Variants in FBXO47 observed in about 807,000 individuals in gnomAD.
FBXO47 encodes F-box protein 47.
A neutral mutation model predicts 53.9 loss-of-function variants in FBXO47; 34 were observed. The observed-to-expected ratio is 0.63, with a 90% CI of 0.48 to 0.84. FBXO47 has a LOEUF of 0.84. Among genes scored for constraint, FBXO47 ranks in the 40% least tolerant of loss-of-function variants. The pLI is 0.00. For missense variants in FBXO47, 485 were observed against 541.3 expected, an observed-to-expected ratio of 0.90 and a Z score of 1.03; for synonymous variants, 165 against 181.6, an observed-to-expected ratio of 0.91 and a Z score of 0.73.
intron 6 of FBXO47, among the ~76,000 whole-genome samples, chr17:38,945,948 A>AAAAAAAAAAAAAATATAT (rs1184511532): frequency 2.6e-5 from 3 of 117,158 alleles, no homozygotes; most frequent in African/African-American, 1.1e-4. Flanking sequence ...AAAAAAAAAA[A>AAAAAAAAAAAAAATATAT]ATATATATAT....
chr17:38,958,668 T>G (rs1047993040), intron 3 of FBXO47, among the ~76,000 whole-genome samples: 8 of 152,142 alleles, frequency 5.3e-5, no homozygotes, highest in Admixed American at 4.6e-4. Context: ...TACCTGAACC[T>G]TATGACTTTT....
intron 3 of FBXO47, among the ~76,000 whole-genome samples, chr17:38,957,862 T>C (rs1905630837): frequency 6.6e-6 from 1 of 151,408 alleles, no homozygotes; most frequent in Non-Finnish European, 1.5e-5. Flanking sequence ...TGATACAGAG[T>C]CTCGTTCTGT....
intron 3 of FBXO47, among the ~76,000 whole-genome samples, chr17:38,957,811 G>A (rs1017589959): frequency 5.3e-5 from 8 of 150,284 alleles, no homozygotes; most frequent in South Asian, 2.1e-4. Flanking sequence ...AGTGATCCTC[G>A]TGTGTGCCAC....
chr17:38,962,519 T>C (rs918878981), intron 2 of FBXO47, among the ~76,000 whole-genome samples: 10 of 151,692 alleles, frequency 6.6e-5, no homozygotes, highest in South Asian at 2.1e-4. Context: ...GGCAGGAGAA[T>C]AGCTTGAACC....
intron 10 of FBXO47, 96 bp downstream of exon 10, chr17:38,938,477 C>G: frequency 4.7e-6 from 3 of 645,086 alleles, no homozygotes; most frequent in Non-Finnish European, 4.5e-6. Context: ...TTTTTTTTTT[C>G]CATTCTTGGA....
Position 38,937,282 on chromosome 17 carries a change from C to T in FBXO47, c.1252G>A (p.Asp418Asn). 1 of 1,560,838 alleles carries T rather than the reference C, an allele frequency of 6.4e-7. No individual in the cohort carries two copies. Among genetic ancestry groups the T allele is most frequent in the Non-Finnish European group, 8.8e-7 (1 of 1,132,726 alleles). The change falls in exon 11 of 11, where the codon GAT becomes AAT. Residue 418 changes from aspartate to asparagine, a missense_variant. Asp to Asn is a conservative substitution (Grantham distance 23). Transcript: ENST00000378079. ...TTCAAAAAGCTTCTGTCATCTTCATCACGGTCTCCTATATGCCATACATAG... is the reference window on the plus strand; with the variant it reads ...TTCAAAAAGCTTCTGTCATCTTCATTACGGTCTCCTATATGCCATACATAG... ...MLQSIMSGDR[D>N]EDDRSFLNLF... is the part of the protein sequence containing the mutation.
At chr17:38,963,293 T>G (rs28384121) in intron 1 of FBXO47, among the ~76,000 whole-genome samples, 3,933 of 152,190 alleles carry the variant, frequency 0.026, 170 homozygotes, top group African/African-American at 0.09. Flanking sequence ...TTCTTCTGCC[T>G]CAGCCTCCTA....
intron 2 of FBXO47, 92 bp downstream of exon 2, chr17:38,962,753 T>C (rs1905875195): frequency 1.2e-6 from 1 of 834,748 alleles, no homozygotes; most frequent in Non-Finnish European, 1.8e-6. Flanking sequence ...CATTAACATT[T>C]TAGCATGGCC....
chr17:38,953,933 G>A (rs1011219073), intron 5 of FBXO47, among the ~76,000 whole-genome samples: 4 of 152,162 alleles, frequency 2.6e-5, no homozygotes, highest in African/African-American at 9.7e-5. Flanking sequence ...TGGCTGGTAG[G>A]CTGAGCACAG....
intron 4 of FBXO47, among the ~76,000 whole-genome samples, chr17:38,955,467 G>A (rs1304807065): frequency 2.7e-5 from 4 of 148,800 alleles, no homozygotes; most frequent in Non-Finnish European, 5.9e-5. Flanking sequence ...TTTTTATGAT[G>A]GAGTCTTGCT....
chr17:38,963,323 A>G (rs1567723659), intron 1 of FBXO47, among the ~76,000 whole-genome samples: 1 of 151,938 alleles, frequency 6.6e-6, no homozygotes. Flanking sequence ...GATTACAGTC[A>G]TGTGCCACCA....
At chr17:38,963,802 G>GTTTTTTTTTTTTTTTTTT (rs377210713) in intron 1 of FBXO47, among the ~76,000 whole-genome samples, 1 of 128,640 alleles carries the variant, frequency 7.8e-6, no homozygotes, top group Non-Finnish European at 1.6e-5. Context: ...TTGTTTTGTT[G>GTTTTTTTTTTTTTTTTTT]TTTTTTTTTT....
chr17:38,955,755 C>T (rs963017684), intron 4 of FBXO47, among the ~76,000 whole-genome samples: 2 of 151,468 alleles, frequency 1.3e-5, no homozygotes, highest in Admixed American at 6.6e-5. Flanking sequence ...GTCAGGAGTT[C>T]GAGATCAGCC....
intron 6 of FBXO47, among the ~76,000 whole-genome samples, chr17:38,946,256 AT>A (rs1480451487): frequency 9.3e-6 from 1 of 107,934 alleles, no homozygotes; most frequent in African/African-American, 3.8e-5. Context: ...AAATATAAAA[AT>A]ATGTATAAAT....
At chr17:38,948,655 T>C (rs1029804608) in intron 6 of FBXO47, among the ~76,000 whole-genome samples, 3 of 152,048 alleles carry the variant, frequency 2.0e-5, no homozygotes, top group Non-Finnish European at 2.9e-5. Flanking sequence ...TTCCTTCAAC[T>C]TTTAAGTTCA....
chr17:38,957,089 T>C, intron 4 of FBXO47, 88 bp downstream of exon 4: 1 of 822,196 alleles, frequency 1.2e-6, no homozygotes, highest in South Asian at 1.7e-5. Flanking sequence ...GAAATTCTAC[T>C]AATATAGAGT....
At chr17:38,958,690 T>A (rs1905675619) in intron 3 of FBXO47, among the ~76,000 whole-genome samples, 1 of 152,148 alleles carries the variant, frequency 6.6e-6, no homozygotes, top group African/African-American at 2.4e-5. Context: ...TCAGCTTTCA[T>A]CTTCTATTTA....
intron 1 of FBXO47, among the ~76,000 whole-genome samples, chr17:38,963,794 GTT>G (rs1252249802): frequency 3.5e-4 from 47 of 135,690 alleles, no homozygotes; most frequent in Middle Eastern, 4.2e-3. Flanking sequence ...TGTTGTTGTT[GTT>G]TTGTTGTTTT....
At chr17:38,962,494 T>C (rs2143967979) in intron 2 of FBXO47, among the ~76,000 whole-genome samples, 1 of 151,914 alleles carries the variant, frequency 6.6e-6, no homozygotes, top group Middle Eastern at 3.4e-3. Flanking sequence ...GCATGCCAGC[T>C]ACTCGGGAGG....
Sources: allele counts gnomAD v4.1 joint callset (sites outside exome capture counted in the v4.1 genomes callset), GRCh38; gene constraint gnomAD v4.1.1; transcripts MANE v1.5; gene names NCBI Gene and HGNC (gene_info 2026-07-23, HGNC 2026-07-21).